DHX37: variants seen among roughly 807,000 people sequenced by gnomAD.
The protein encoded by DHX37 is DEAH-box helicase 37, also known as probable ATP-dependent RNA helicase DHX37.
In DHX37, 52 loss-of-function variants were observed where a neutral mutation model predicts 134.3. The observed-to-expected ratio is 0.39, with a 90% CI of 0.31 to 0.49. The LOEUF is 0.49. Ranked by LOEUF, DHX37 falls within the 20% of genes least tolerant of loss-of-function variation. The pLI is 0.93. For missense variants in DHX37, 1,344 were observed against 1,580.8 expected, an observed-to-expected ratio of 0.85 and a Z score of 2.54; for synonymous variants, 634 against 670.7, an observed-to-expected ratio of 0.95 and a Z score of 0.85.
At chr12:124,982,180 A>G (rs770145940) in intron 3 of DHX37, among the ~76,000 whole-genome samples, 2 of 152,012 alleles carry the variant, frequency 1.3e-5, no homozygotes, top group Non-Finnish European at 2.9e-5. Flanking sequence ...CTGATGGGCC[A>G]AATCCAGCCC....
chr12:124,952,689 A>C, intron 20 of DHX37, 119 bp from the exon 21 acceptor site: 13 of 1,155,816 alleles, frequency 1.1e-5, no homozygotes, highest in Non-Finnish European at 1.2e-5. Context: ...TGCTTGTCTC[A>C]ACCCCTCCCC....
At position 124,980,842 on chromosome 12, in the gene DHX37, T is replaced by A. The variant is rs750008062; in HGVS notation, c.390-4A>T. 1 of 1,548,506 alleles carries A rather than the reference T, an allele frequency of 6.5e-7. No individual in the cohort carries two copies. Among genetic ancestry groups the A allele is most frequent in the Non-Finnish European group, 8.7e-7 (1 of 1,150,732 alleles). ...GGCTACCACCTCGTCAGCCTTCCTG[T>A]TGAGATAGCAGAGACTTCAGGCACA... On this transcript the variant is annotated splice_region_variant and splice_polypyrimidine_tract_variant and intron_variant, in intron 3 of 26. Coordinates refer to ENST00000308736, the MANE Select transcript of DHX37 (RefSeq NM_032656.4). This position sits in a 1 kb window ranked among gnomAD's most constrained non-coding sequence, Gnocchi z 5.3.
intron 13 of DHX37, 143 bp downstream of exon 13, chr12:124,965,525 C>T (rs540629109): frequency 3.1e-5 from 42 of 1,346,246 alleles, no homozygotes; most frequent in Admixed American, 1.3e-4. Context: ...GAGGCCTCCT[C>T]GTGCCAGGCA....
At chr12:124,983,011 A>C (rs1954787177) in intron 2 of DHX37, among the ~76,000 whole-genome samples, 1 of 152,190 alleles carries the variant, frequency 6.6e-6, no homozygotes, top group Non-Finnish European at 1.5e-5. Context: ...TACCCTGAGC[A>C]ATGCTGTGTG....
At chr12:124,952,892 G>A (rs547651598) in intron 20 of DHX37, 12 of 192,138 alleles carry the variant, frequency 6.2e-5, no homozygotes, top group East Asian at 3.8e-4. Flanking sequence ...AGGAAGTTGC[G>A]GCTGGAATTC....
At chr12:124,969,067 C>T (rs756476171) in intron 8 of DHX37, 99 bp from the exon 9 acceptor site, 59 of 1,149,140 alleles carry the variant, frequency 5.1e-5, no homozygotes, top group Non-Finnish European at 7.0e-5. Flanking sequence ...CACCCCGTTT[C>T]CAGCCCCCAC....
chr12:124,960,263 A>T, intron 16 of DHX37, 49 bp downstream of exon 16: 1 of 1,584,312 alleles, frequency 6.3e-7, no homozygotes, highest in Non-Finnish European at 8.6e-7. Flanking sequence ...AGGGAAAGGG[A>T]GGTGGTCCAC....
At chr12:124,961,261 CACATACACGCGTGCACGCACACACACTT>C (rs1348759277) in intron 15 of DHX37, among the ~76,000 whole-genome samples, 7 of 114,196 alleles carry the variant, frequency 6.1e-5, no homozygotes, top group Admixed American at 3.8e-4. Flanking sequence ...CGCACGCACA[CACATACACGCGTGCACGCACACACACTT>C]ACACGCGTGC....
rs569394412 is a variant in DHX37 at position 124,965,138 on chromosome 12, C to G, written c.1736-132G>C. On this transcript the variant is annotated intron_variant, in intron 13 of 26. Coordinates refer to ENST00000308736, the MANE Select transcript of DHX37 (RefSeq NM_032656.4). ...TTCTTTGCCCTGCTGCAGAGGCTCCCCTTGGGACCAGCCAGGCCAAGCCTG... is the reference window on the plus strand; with the variant it reads ...TTCTTTGCCCTGCTGCAGAGGCTCCGCTTGGGACCAGCCAGGCCAAGCCTG... The G allele has an allele frequency of 2.9e-6, 3 of 1,032,804 alleles. No individual in the cohort carries two copies. In the South Asian group the frequency reaches 4.8e-5, roughly 17 times the overall value. The allele number at this position is 1,032,804 out of a possible 1,614,324, so 64.0% of individuals were successfully genotyped here.
intron 2 of DHX37, among the ~76,000 whole-genome samples, chr12:124,984,394 G>A (rs959357048): frequency 1.3e-5 from 2 of 152,100 alleles, no homozygotes; most frequent in Non-Finnish European, 2.9e-5. Flanking sequence ...TTAGCCGGAC[G>A]TGGTGGTGCA....
In DHX37 at chr12:124,953,847, C is replaced by T. The variant is rs201366221; in HGVS notation, c.2695+33G>A. The T allele has an allele frequency of 2.7e-4, 427 of 1,602,502 alleles. 1 individual carries two copies. The highest frequency in any genetic ancestry group is 5.6e-5 in the Non-Finnish European group (66 of 1,174,512). ...CAAGTGCCCAGGTCAGGTTGCCCGC[C>T]GGGTGCAGCGGCGTGCCGGCACGGG... On this transcript the variant is annotated intron_variant, in intron 20 of 26. Transcript: ENST00000308736.
chr12:124,957,614 C>T (rs953384296), intron 16 of DHX37, among the ~76,000 whole-genome samples: 9 of 152,102 alleles, frequency 5.9e-5, no homozygotes, highest in African/African-American at 2.2e-4. Context: ...GGTGAAACCC[C>T]CATCTCTACT....
chr12:124,961,230 A>ACGCACG (rs1566332246), intron 15 of DHX37, among the ~76,000 whole-genome samples: 33 of 111,770 alleles, frequency 3.0e-4, no homozygotes, highest in African/African-American at 1.7e-3. Context: ...ACACGCACGC[A>ACGCACG]CACACACATA....
chr12:124,967,011 G>T, intron 11 of DHX37, 112 bp downstream of exon 11: 1 of 1,532,722 alleles, frequency 6.5e-7, no homozygotes, highest in African/African-American at 1.4e-5. Context: ...GATGGCAAAG[G>T]TGCTGATGCT....
At chr12:124,963,458 C>T (rs1954309543) in intron 15 of DHX37, among the ~76,000 whole-genome samples, 1 of 152,058 alleles carries the variant, frequency 6.6e-6, no homozygotes, top group African/African-American at 2.4e-5. Context: ...CTGTGACTGT[C>T]CTAAAAACTC....
intron 16 of DHX37, among the ~76,000 whole-genome samples, chr12:124,957,401 G>A (rs1157364564): frequency 6.6e-6 from 1 of 152,226 alleles, no homozygotes; most frequent in African/African-American, 2.4e-5. Flanking sequence ...CCCCCGCTGG[G>A]TGCTTTTTTC....
At chr12:124,961,057 G>A (rs1016855515) in intron 15 of DHX37, among the ~76,000 whole-genome samples, 2 of 145,132 alleles carry the variant, frequency 1.4e-5, no homozygotes, top group East Asian at 2.2e-4. Flanking sequence ...GGTTTTCTTT[G>A]TAAATTTTCT....
At chr12:124,981,852 G>T (rs189023628) in intron 3 of DHX37, among the ~76,000 whole-genome samples, 1 of 151,872 alleles carries the variant, frequency 6.6e-6, no homozygotes, top group Admixed American at 6.6e-5. Context: ...AGTCGGGCGC[G>T]GTGGCTCACG....
At position 124,977,345 on chromosome 12, in the gene DHX37, C is replaced by T. The variant is rs1199952530; in HGVS notation, c.884G>A (p.Ser295Asn). ...GAACCCTGTGTCCAGCCCCTACCTG[C>T]TGAAGCCTGCTTCATAGAGAAACTG... ...VPQFLYEAGF[S>N]SEDSIIGVTE... The change falls in exon 5 of 27, where the codon AGC (serine) becomes AAC (asparagine). Residue 295 changes from serine to asparagine, a missense_variant. Coordinates refer to ENST00000308736, the MANE Select transcript of DHX37 (RefSeq NM_032656.4). 6.4e-7 allele frequency: 1 copy of T among 1,557,418 alleles called. No individual in the cohort carries two copies. Among genetic ancestry groups the T allele is most frequent in the Non-Finnish European group, 8.7e-7 (1 of 1,154,416 alleles).
Sources: gnomAD v4.1 joint callset for allele counts (sites outside exome capture counted in the v4.1 genomes callset) on GRCh38, gnomAD v4.1.1 for gene constraint, Gnocchi (gnomAD v3.1) non-coding constraint, MANE v1.5 for transcripts, NCBI Gene and HGNC (gene_info 2026-07-23, HGNC 2026-07-21) for gene names.